CYP46A1: variants seen among roughly 807,000 people sequenced by gnomAD.
CYP46A1 encodes cholesterol 24-hydroxylase.
A neutral mutation model predicts 63.3 loss-of-function variants in CYP46A1; 20 were observed. That is an observed-to-expected ratio of 0.32 (90% CI 0.22 to 0.46). The LOEUF is 0.46. CYP46A1 is among the 20% of genes least tolerant of loss of function. The pLI is 1.00. For synonymous variants in CYP46A1, 268 were observed against 273.6 expected, an observed-to-expected ratio of 0.98 and a Z score of 0.20; for missense variants, 445 against 670.8, an observed-to-expected ratio of 0.66 and a Z score of 3.72.
chr14:99,721,160 CAG>C, intron 10 of CYP46A1, 77 bp from the exon 11 acceptor site: 1 of 984,360 alleles, frequency 1.0e-6, no homozygotes, highest in Non-Finnish European at 1.6e-6. Context: ...CGCTTCCTTC[CAG>C]TGCCCCCTTC....
chr14:99,725,413 G>A lies in CYP46A1; in HGVS notation c.1199G>A (p.Arg400Gln). 3.1e-6 allele frequency: 5 copies of A among 1,614,146 alleles called. No individual in the cohort carries two copies. Among genetic ancestry groups the A allele is most frequent in the Non-Finnish European group, 3.4e-6 (4 of 1,180,000 alleles). ...CAGTTCAGCACCTATGTCATGGGGC[G>A]GATGGACACATACTTTGAGGACCCG... ...PLLFSTYVMG[R>Q]MDTYFEDPLT... is the part of the protein sequence containing the mutation. Residue 400 changes from arginine (R) to glutamine (Q), a missense_variant, in exon 13 of 15, where the codon CGG (arginine) becomes CAG (glutamine). Arg to Gln is a conservative substitution (Grantham distance 43, BLOSUM62 1). Transcript: ENST00000261835. This position sits in a 1 kb window ranked among gnomAD's most constrained non-coding sequence, Gnocchi z 4.2.
At chr14:99,703,682 C>T in intron 5 of CYP46A1, 3 of 978,208 alleles carry the variant, frequency 3.1e-6, no homozygotes, top group Non-Finnish European at 3.6e-6. Context: ...ACCTGTCACA[C>T]CCAATGTAGT....
At position 99,712,884 on chromosome 14, in the gene CYP46A1, G is replaced by A. The variant is rs1323167699; in HGVS notation, c.694-2926G>A. 7 of 152,230 alleles carry A rather than the reference G, an allele frequency of 4.6e-5. No homozygotes were observed. In the East Asian group the frequency reaches 1.2e-3, roughly 25 times the overall value. 9.4% of individuals were successfully genotyped at this position (152,230 alleles called of 1,614,324 possible). On this transcript the variant is annotated intron_variant, in intron 7 of 14. Coordinates refer to ENST00000261835, the MANE Select transcript of CYP46A1 (RefSeq NM_006668.2). ...CAAAGCTGGAGGCACCATACTACCC[G>A]ATTTCAAAATCTACTATAAAGCTAC...
intron 14 of CYP46A1, 131 bp from the exon 15 acceptor site, chr14:99,726,426 C>T (rs1180362606): frequency 7.6e-6 from 9 of 1,190,876 alleles, no homozygotes; most frequent in Non-Finnish European, 9.2e-6. Context: ...GAGGAGAGCG[C>T]AAAACAGGAG....
Position 99,726,027 on chromosome 14 carries a change from A to G in CYP46A1, c.1266-163A>G, listed in dbSNP as rs180880187. ...AGGAGGAGAAAAAGAATGCAGATCCAGCCCTCGGCAGAGTCAGCGGTTCAT... is the reference window on the plus strand; with the variant it reads ...AGGAGGAGAAAAAGAATGCAGATCCGGCCCTCGGCAGAGTCAGCGGTTCAT... On this transcript the variant is annotated intron_variant, in intron 13 of 14. Transcript: ENST00000261835. Among the ~76,000 whole-genome samples, 95 of 152,372 alleles carry G rather than the reference A, an allele frequency of 6.2e-4. No homozygotes were observed. The Middle Eastern group carries it at 0.01, about 16-fold the overall frequency.
chr14:99,703,825 T>A (rs2056651944), intron 5 of CYP46A1: 1 of 985,148 alleles, frequency 1.0e-6, no homozygotes, highest in Non-Finnish European at 1.2e-6. Context: ...AGTGAATGAA[T>A]GCGTAAGTGA....
At chr14:99,688,968 C>T (rs1339209236) in intron 1 of CYP46A1, among the ~76,000 whole-genome samples, 1 of 152,228 alleles carries the variant, frequency 6.6e-6, no homozygotes, top group African/African-American at 2.4e-5. Flanking sequence ...CTCCCCAGTG[C>T]TCCCGCTCAG....
In CYP46A1 at chr14:99,702,069, C is replaced by CAA. The variant is rs71113217; in HGVS notation, c.443+1989_443+1990dup. Among the ~76,000 whole-genome samples, 570 of 69,452 alleles carry CAA rather than the reference C, an allele frequency of 8.2e-3. 7 individuals carry two copies. Among genetic ancestry groups the CAA allele is most frequent in the Non-Finnish European group, 0.011 (388 of 36,428 alleles). The allele number at this position is 69,452 out of a possible 152,430, so 45.6% of individuals were successfully genotyped here. A position where few individuals can be genotyped will look rare whatever the true frequency, so the allele number is the denominator to read the frequency against. ...TGGGTGACAGAGCGAGACTCCATCT[C>CAA]AAAAAAAAAAAAAAAAAAAAAAGGC... On this transcript the variant is annotated intron_variant, in intron 5 of 14. Coordinates refer to ENST00000261835, the MANE Select transcript of CYP46A1 (RefSeq NM_006668.2).
chr14:99,713,281 T>G (rs1595199055), intron 7 of CYP46A1: 1 of 145,350 alleles, frequency 6.9e-6, no homozygotes, highest in African/African-American at 2.5e-5. Flanking sequence ...ATACAAAAAA[T>G]TAGCTGGGTG....
At chr14:99,704,199 T>C (rs770768702) in intron 5 of CYP46A1, among the ~76,000 whole-genome samples, 47 of 152,380 alleles carry the variant, frequency 3.1e-4, no homozygotes, top group Non-Finnish European at 5.4e-4. Context: ...TTTTTAGGTG[T>C]GCAGTTCAGT....
chr14:99,721,988 A>T lies in CYP46A1; in HGVS notation c.1098A>T (p.Pro366=). The T allele has an allele frequency of 6.2e-7, 1 of 1,613,722 alleles. No homozygotes were observed. Among genetic ancestry groups the T allele is most frequent in the Non-Finnish European group, 8.5e-7 (1 of 1,179,870 alleles). ...AAGAGTCGCTGAGGCTGTACCCACC[A>T]GCATGGGGCACCTTTCGCCTGCTGG... ...VLKESLRLYP[P]AWGTFRLLEE... The change falls in exon 12 of 15, where the codon CCA becomes CCT. Residue 366 remains proline (P), a synonymous_variant. Coordinates refer to ENST00000261835, the MANE Select transcript of CYP46A1 (RefSeq NM_006668.2).
At chr14:99,692,201 A>G (rs1454785224) in intron 3 of CYP46A1, among the ~76,000 whole-genome samples, 1 of 152,228 alleles carries the variant, frequency 6.6e-6, no homozygotes, top group African/African-American at 2.4e-5. Flanking sequence ...CTCCAGGGCT[A>G]TGATAAGAAT....
At chr14:99,719,953 C>T (rs2056830029) in intron 10 of CYP46A1, among the ~76,000 whole-genome samples, 1 of 151,618 alleles carries the variant, frequency 6.6e-6, no homozygotes, top group African/African-American at 2.4e-5. Flanking sequence ...TTAGTAGAGA[C>T]GGGGCTTCAC....
chr14:99,710,219 C>G (rs1257656060), intron 7 of CYP46A1: 1 of 152,074 alleles, frequency 6.6e-6, no homozygotes, highest in Non-Finnish European at 1.5e-5. Context: ...GTTTACCAAA[C>G]TGCAATGATA....
chr14:99,687,085 A>G (rs977022347), intron 1 of CYP46A1, among the ~76,000 whole-genome samples: 4 of 151,474 alleles, frequency 2.6e-5, no homozygotes, highest in African/African-American at 7.3e-5. Flanking sequence ...GCAAGAGGCA[A>G]CTCTTCATCT....
intron 1 of CYP46A1, among the ~76,000 whole-genome samples, chr14:99,689,690 C>T (rs2056526782): frequency 6.6e-6 from 1 of 152,296 alleles, no homozygotes; most frequent in African/African-American, 2.4e-5. Context: ...TTCCAGTATT[C>T]CGCCTCACAG....
At chr14:99,720,120 G>T (rs181606016) in intron 10 of CYP46A1, among the ~76,000 whole-genome samples, 1 of 152,196 alleles carries the variant, frequency 6.6e-6, no homozygotes, top group Admixed American at 6.5e-5. Flanking sequence ...GTCCCATTTT[G>T]CATATTCATA....
At chr14:99,706,605 T>G in intron 5 of CYP46A1, 42 bp from the exon 6 acceptor site, 4 of 1,609,244 alleles carry the variant, frequency 2.5e-6, no homozygotes, top group Non-Finnish European at 3.4e-6. Context: ...TCCACCATAT[T>G]GGGCTGGCCA....
intron 14 of CYP46A1, 108 bp downstream of exon 14, chr14:99,726,364 G>GGGCTGTT: frequency 1.0e-6 from 1 of 990,208 alleles, no homozygotes; most frequent in Non-Finnish European, 1.4e-6. Context: ...GCTGGGCTGT[G>GGGCTGTT]GGCTCGGGAC....
Sources: allele counts gnomAD v4.1 joint callset (sites outside exome capture counted in the v4.1 genomes callset), GRCh38; gene constraint gnomAD v4.1.1; non-coding constraint Gnocchi (gnomAD v3.1); transcripts MANE v1.5; gene names NCBI Gene and HGNC (gene_info 2026-07-23, HGNC 2026-07-21).